CTNNA2: variants seen among roughly 807,000 people sequenced by gnomAD.
CTNNA2 encodes the protein catenin alpha 2.
CTNNA2 carries 42 observed loss-of-function variants against 101.0 expected under a neutral mutation model. That is an observed-to-expected ratio of 0.42 (90% CI 0.32 to 0.54). The LOEUF (loss-of-function observed/expected upper bound fraction) is 0.54. CTNNA2 is among the 20% of genes least tolerant of loss of function. The pLI is 0.14. For missense variants in CTNNA2, 871 were observed against 1,223.1 expected, an observed-to-expected ratio of 0.71 and a Z score of 4.29; for synonymous variants, 450 against 456.4, an observed-to-expected ratio of 0.99 and a Z score of 0.18.
intron 9 of CTNNA2, among the ~76,000 whole-genome samples, chr2:80,450,583 T>C (rs181587121): frequency 6.6e-6 from 1 of 152,300 alleles, no homozygotes; most frequent in East Asian, 1.9e-4. Context: ...TCCAAGTCTA[T>C]CTTTTTTCTT....
At chr2:79,763,268 A>G (rs147873284) in intron 3 of CTNNA2, among the ~76,000 whole-genome samples, 20 of 152,264 alleles carry the variant, frequency 1.3e-4, no homozygotes, top group African/African-American at 4.1e-4. Flanking sequence ...CAATGTTACT[A>G]TGTATCTCCT....
intron 1 of CTNNA2, among the ~76,000 whole-genome samples, chr2:79,192,033 G>A (rs895897511): frequency 1.3e-5 from 2 of 152,070 alleles, no homozygotes; most frequent in South Asian, 4.1e-4. Context: ...ATCCGGTCAA[G>A]GTGCGAAGCT....
At chr2:80,100,046 C>T (rs1700445948) in intron 7 of CTNNA2, among the ~76,000 whole-genome samples, 1 of 152,106 alleles carries the variant, frequency 6.6e-6, no homozygotes, top group South Asian at 2.1e-4. Context: ...TCTCCTGCCC[C>T]AGCCTCCCAA....
chr2:80,440,175 T>A (rs1682433277), intron 9 of CTNNA2, among the ~76,000 whole-genome samples: 1 of 152,114 alleles, frequency 6.6e-6, no homozygotes, highest in Non-Finnish European at 1.5e-5. Context: ...GATTTTGGTG[T>A]TTAGTAATTT....
chr2:80,162,932 T>C, intron 7 of CTNNA2: 1 of 1,546,760 alleles, frequency 6.5e-7, no homozygotes, highest in Admixed American at 1.7e-5. Context: ...GGCTTGAATT[T>C]CCAACATGAT....
intron 7 of CTNNA2, among the ~76,000 whole-genome samples, chr2:80,124,731 C>T (rs1001475426): frequency 6.6e-6 from 1 of 152,146 alleles, no homozygotes; most frequent in Non-Finnish European, 1.5e-5. Flanking sequence ...CCATGCATTG[C>T]TTTTCCCAGG....
intron 7 of CTNNA2, among the ~76,000 whole-genome samples, chr2:80,201,280 C>G (rs545863087): frequency 6.6e-6 from 1 of 151,628 alleles, no homozygotes; most frequent in Non-Finnish European, 1.5e-5. Flanking sequence ...TGACTACATT[C>G]CCAAAGAAGA....
chr2:79,850,256 C>A (rs1250465062), intron 3 of CTNNA2, among the ~76,000 whole-genome samples: 1 of 145,734 alleles, frequency 6.9e-6, no homozygotes, highest in Non-Finnish European at 1.5e-5. Context: ...TTTCTCTCTC[C>A]CTCCCTTTCT....
chr2:80,239,474 G>T (rs114712873), intron 7 of CTNNA2, among the ~76,000 whole-genome samples: 2 of 152,128 alleles, frequency 1.3e-5, no homozygotes, highest in African/African-American at 4.8e-5. Flanking sequence ...TATCCACGGG[G>T]AATACGTTCC....
intron 3 of CTNNA2, among the ~76,000 whole-genome samples, chr2:79,818,435 C>T (rs1247919851): frequency 2.6e-5 from 4 of 151,978 alleles, no homozygotes; most frequent in African/African-American, 9.7e-5. Flanking sequence ...ACCTCAGCCT[C>T]CTGAGTAGCT....
At chr2:79,407,608 A>AAGGAGG (rs1323336278) in intron 4 of CTNNA2, among the ~76,000 whole-genome samples, 1 of 151,848 alleles carries the variant, frequency 6.6e-6, no homozygotes, top group Non-Finnish European at 1.5e-5. Context: ...GAAGAGGAAG[A>AAGGAGG]AGGAGGAGGA....
intron 3 of CTNNA2, among the ~76,000 whole-genome samples, chr2:79,808,771 G>A (rs1194209517): frequency 2.7e-5 from 4 of 148,816 alleles, no homozygotes; most frequent in African/African-American, 1.0e-4. Context: ...TTTTATAAAT[G>A]GATTTCATCT....
In CTNNA2 at chr2:79,383,592, G is replaced by A. The variant is rs77240469; in HGVS notation, c.-135+9579G>A. Among the ~76,000 whole-genome samples, 299 of 152,272 alleles carry A rather than the reference G, an allele frequency of 2.0e-3. 1 individual carries two copies. The highest frequency in any genetic ancestry group is 6.7e-3 in the African/African-American group (279 of 41,566). Reference sequence around the variant, plus strand: ...TCCTAATTTTCCATCACATGGCATAGTGCGTATGCAGGCAGATGTTAAAAA... The same window carrying A: ...TCCTAATTTTCCATCACATGGCATAATGCGTATGCAGGCAGATGTTAAAAA... On this transcript the variant is annotated intron_variant, in intron 4 of 21. Coordinates refer to the CTNNA2 transcript ENST00000466387.
At chr2:79,446,260 A>G (rs895462194) in intron 4 of CTNNA2, among the ~76,000 whole-genome samples, 7 of 152,246 alleles carry the variant, frequency 4.6e-5, no homozygotes, top group Middle Eastern at 3.4e-3. Context: ...TTGTACGCCA[A>G]TAAATGTGCC....
At chr2:79,806,975 A>G (rs1012845915) in intron 3 of CTNNA2, among the ~76,000 whole-genome samples, 2 of 152,036 alleles carry the variant, frequency 1.3e-5, no homozygotes, top group Admixed American at 6.6e-5. Flanking sequence ...CCTGAGTCCT[A>G]TTCCTCCAAC....
At chr2:79,444,213 A>G (rs1027060417) in intron 4 of CTNNA2, among the ~76,000 whole-genome samples, 11 of 152,144 alleles carry the variant, frequency 7.2e-5, no homozygotes, top group Admixed American at 5.2e-4. Flanking sequence ...GATGATAAGC[A>G]TGTGCTATTT....
intron 2 of CTNNA2, among the ~76,000 whole-genome samples, chr2:79,292,614 G>A (rs1423639836): frequency 6.6e-6 from 1 of 152,112 alleles, no homozygotes; most frequent in Non-Finnish European, 1.5e-5. Context: ...CATTTCCCAG[G>A]GAAGGTCATT....
At chr2:80,237,517 T>C (rs1389542545) in intron 7 of CTNNA2, among the ~76,000 whole-genome samples, 1 of 152,156 alleles carries the variant, frequency 6.6e-6, no homozygotes, top group Non-Finnish European at 1.5e-5. Flanking sequence ...TGGTGGTTCT[T>C]GGCAATAGTA....
chr2:80,266,529 A>G (rs530784696), intron 7 of CTNNA2, among the ~76,000 whole-genome samples: 2 of 152,330 alleles, frequency 1.3e-5, no homozygotes, highest in Non-Finnish European at 2.9e-5. Context: ...AAGCTTGCTG[A>G]TTTGTTATAC....
Sources: allele counts gnomAD v4.1 joint callset (sites outside exome capture counted in the v4.1 genomes callset), GRCh38; gene constraint gnomAD v4.1.1; transcripts MANE v1.5; gene names NCBI Gene and HGNC (gene_info 2026-07-23, HGNC 2026-07-21).